ZMYND8: variants seen among roughly 807,000 people sequenced by gnomAD.
ZMYND8 encodes the protein zinc finger MYND-type containing 8.
A neutral mutation model predicts 140.8 loss-of-function variants in ZMYND8; 37 were observed. The observed-to-expected ratio is 0.26, with a 90% CI of 0.20 to 0.35. ZMYND8 has a LOEUF of 0.35. Ranked by LOEUF, ZMYND8 falls within the 10% of genes least tolerant of loss-of-function variation. The pLI, the probability that ZMYND8 is intolerant of heterozygous loss-of-function variation, is 1.00. For synonymous variants in ZMYND8, 592 were observed against 597.1 expected (o/e 0.99, Z 0.12); for missense variants, 1,068 against 1,570.0 (o/e 0.68, Z 5.40).
At position 47,224,307 on chromosome 20, in the gene ZMYND8, A is replaced by G; in HGVS notation, c.3256+10T>C. On this transcript the variant is annotated intron_variant, in intron 19 of 22. Transcript: ENST00000471951. ...AGCCCAGGACGGGAGGCAGCCCCACAGGGCATTACCTGACTGGGTGCAGGA... is the reference window on the plus strand; with the variant it reads ...AGCCCAGGACGGGAGGCAGCCCCACGGGGCATTACCTGACTGGGTGCAGGA... 1.9e-6 allele frequency: 3 copies of G among 1,613,796 alleles called. No homozygotes were observed. The highest frequency in any genetic ancestry group is 1.3e-5 in the African/African-American group (1 of 75,060).
chr20:47,286,846 T>C (rs967409046), intron 8 of ZMYND8, among the ~76,000 whole-genome samples: 11 of 152,198 alleles, frequency 7.2e-5, no homozygotes, highest in African/African-American at 2.7e-4. Flanking sequence ...GTCAAGGCCA[T>C]GCCCCCAGAT....
In ZMYND8 at chr20:47,276,558, G is replaced by T; in HGVS notation, c.1236C>A (p.Asp412Glu). The T allele has an allele frequency of 6.2e-7, 1 of 1,613,946 alleles. No individual in the cohort carries two copies. The highest frequency in any genetic ancestry group is 8.5e-7 in the Non-Finnish European group (1 of 1,180,018). Residue 412 changes from aspartate (D) to glutamate (E), a missense_variant, in exon 11 of 23, where the codon GAC becomes GAA. Physicochemically the swap from Asp to Glu is conservative, Grantham distance 45. This residue lies in a region of ZMYND8 where 173 missense variants were observed against 223.3 expected (regional missense o/e 0.77). Transcript: ENST00000471951. ...AGTTGAGCTTGACCTTCTCCTGCTT[G>T]TCTATCTTGGCAGTGCCGGCGCTGG... is the stretch of plus-strand genomic sequence containing the variant. ...TNPSAGTAKI[D>E]KQEKVKLNFD...
Position 47,279,340 on chromosome 20 carries a change from C to T in ZMYND8, c.999-2545G>A, listed in dbSNP as rs181339941. Among the ~76,000 whole-genome samples the T allele has an allele frequency of 5.9e-5, 9 of 152,042 alleles. No homozygotes were observed. In the East Asian group the frequency reaches 1.4e-3, roughly 23 times the overall value. On this transcript the variant is annotated intron_variant, in intron 10 of 22. Coordinates refer to ENST00000471951, the MANE Select transcript of ZMYND8 (RefSeq NM_001281775.3). ...GAAAAATTAGCCGGATGTGGTGGCA[C>T]GCCCCTGTAATACCAGCTACTCAGG...
At chr20:47,273,414 C>T (rs1397755419) in intron 11 of ZMYND8, among the ~76,000 whole-genome samples, 4 of 152,006 alleles carry the variant, frequency 2.6e-5, no homozygotes, top group Non-Finnish European at 5.9e-5. Flanking sequence ...GGCATGGTAG[C>T]GCATGCCTGT....
chr20:47,255,463 C>A (rs1318367746), intron 12 of ZMYND8, among the ~76,000 whole-genome samples: 1 of 150,800 alleles, frequency 6.6e-6, no homozygotes, highest in Admixed American at 6.6e-5. Context: ...AATCCCACCA[C>A]TTTGGGAAGC....
intron 3 of ZMYND8, among the ~76,000 whole-genome samples, chr20:47,306,765 G>C (rs2078517379): frequency 6.6e-6 from 1 of 151,798 alleles, no homozygotes; most frequent in Non-Finnish European, 1.5e-5. Flanking sequence ...CTTTCTTTCT[G>C]GAACAATGGA....
chr20:47,278,518 C>T (rs1157800601), intron 10 of ZMYND8, among the ~76,000 whole-genome samples: 1 of 152,070 alleles, frequency 6.6e-6, no homozygotes, highest in Non-Finnish European at 1.5e-5. Context: ...ACATTTTACC[C>T]CCATTTCAAC....
Position 47,276,416 on chromosome 20 carries a change from CAG to C in ZMYND8, c.1376_1377del (p.Ser459CysfsTer12), listed in dbSNP as rs2076263643. 6.2e-7 allele frequency: 1 copy of C among 1,613,744 alleles called. No individual in the cohort carries two copies. Among genetic ancestry groups the C allele is most frequent in the Admixed American group, 1.7e-5 (1 of 60,002 alleles). On this transcript the variant is annotated frameshift_variant, in exon 11 of 23. Coordinates refer to ENST00000471951, the MANE Select transcript of ZMYND8 (RefSeq NM_001281775.3). LOFTEE classifies it high-confidence loss of function. ...TGCTCCACGTCGGAGCCCGTGTGCA[CAG>C]AAGAGTTTGTGCTCATGGGGGAGCG... ...MPRSPMSTNS[S>X]VHTGSDVEQD...
chr20:47,238,179 G>A (rs1176669523), intron 15 of ZMYND8: 1 of 154,710 alleles, frequency 6.5e-6, no homozygotes, highest in Non-Finnish European at 1.4e-5. Flanking sequence ...AATAAACTAT[G>A]AAATACTATG....
chr20:47,274,949 C>G (rs2076168553), intron 11 of ZMYND8, among the ~76,000 whole-genome samples: 1 of 152,158 alleles, frequency 6.6e-6, no homozygotes, highest in Non-Finnish European at 1.5e-5. Flanking sequence ...TCCTGAAGAA[C>G]TGATGCTTGC....
At chr20:47,249,553 G>A in intron 12 of ZMYND8, 114 bp from the exon 13 acceptor site, 1 of 1,428,038 alleles carries the variant, frequency 7.0e-7, no homozygotes, top group South Asian at 1.4e-5. Flanking sequence ...GGGAGGGGGA[G>A]ATACTTTTTT....
At chr20:47,290,583 GTTTTTTTTT>G (rs71183240) in intron 6 of ZMYND8, among the ~76,000 whole-genome samples, 129 of 64,110 alleles carry the variant, frequency 2.0e-3, no homozygotes, top group South Asian at 8.2e-3. Flanking sequence ...TATTTATTTA[GTTTTTTTTT>G]TTTTTTTTTT....
intron 2 of ZMYND8, among the ~76,000 whole-genome samples, chr20:47,338,476 C>T (rs193195300): frequency 2.0e-5 from 3 of 152,118 alleles, no homozygotes; most frequent in African/African-American, 2.4e-5. Context: ...CCACTGCGGA[C>T]GCTGAGATCA....
At chr20:47,257,576 T>C (rs778828080) in intron 12 of ZMYND8, among the ~76,000 whole-genome samples, 7 of 151,970 alleles carry the variant, frequency 4.6e-5, no homozygotes, top group Non-Finnish European at 8.8e-5. Context: ...ACTCATCATA[T>C]ACCATACACA....
At chr20:47,273,612 C>T (rs937336387) in intron 11 of ZMYND8, among the ~76,000 whole-genome samples, 5 of 152,258 alleles carry the variant, frequency 3.3e-5, no homozygotes, top group Middle Eastern at 6.8e-3. Context: ...TAACTGTCTA[C>T]GGCTGCTCTA....
intron 2 of ZMYND8, among the ~76,000 whole-genome samples, chr20:47,316,298 T>C (rs1054794128): frequency 7.0e-6 from 1 of 142,794 alleles, no homozygotes; most frequent in Non-Finnish European, 1.5e-5. Flanking sequence ...GCCATTGTAC[T>C]CCAGCCTGGG....
intron 2 of ZMYND8, among the ~76,000 whole-genome samples, chr20:47,339,155 G>T (rs956481914): frequency 2.1e-4 from 32 of 151,852 alleles, no homozygotes; most frequent in African/African-American, 7.7e-4. Flanking sequence ...TGTATTTTTA[G>T]TAGAGACGGG....
chr20:47,345,506 CTTTTTTTTTT>C (rs528404084), intron 2 of ZMYND8, among the ~76,000 whole-genome samples: 1 of 137,448 alleles, frequency 7.3e-6, no homozygotes, highest in African/African-American at 2.7e-5. Flanking sequence ...ACCTGACCCA[CTTTTTTTTTT>C]TTTTTTTTTA....
chr20:47,330,559 T>A (rs1235466846), intron 2 of ZMYND8, among the ~76,000 whole-genome samples: 1 of 151,960 alleles, frequency 6.6e-6, no homozygotes. Context: ...CAATCTGACT[T>A]GTGTTTTAGA....
Sources: allele counts gnomAD v4.1 joint callset (sites outside exome capture counted in the v4.1 genomes callset), GRCh38; gene constraint gnomAD v4.1.1; regional missense constraint gnomAD v4.1.1; transcripts MANE v1.5; gene names NCBI Gene and HGNC (gene_info 2026-07-23, HGNC 2026-07-21).